The following NRG3 variants were observed in gnomAD, a reference collection of about 807,000 sequenced individuals.
The protein encoded by NRG3 is neuregulin 3.
A neutral mutation model predicts 66.9 loss-of-function variants in NRG3; 31 were observed. The observed-to-expected ratio is 0.46, with a 90% CI of 0.35 to 0.63. The LOEUF (loss-of-function observed/expected upper bound fraction) is 0.63, where lower values mean the gene tolerates loss of function less well. Among genes scored for constraint, NRG3 ranks in the 20% least tolerant of loss-of-function variants. The pLI is 0.00. For missense variants in NRG3, 910 were observed against 878.9 expected, an observed-to-expected ratio of 1.04 and a Z score of -0.45; for synonymous variants, 393 against 359.4, an observed-to-expected ratio of 1.09 and a Z score of -1.06.
At chr10:81,888,533 G>A (rs994529824) in intron 1 of NRG3, among the ~76,000 whole-genome samples, 3 of 152,124 alleles carry the variant, frequency 2.0e-5, no homozygotes, top group Non-Finnish European at 2.9e-5. Context: ...AAGCATATGA[G>A]GCCATTTCAG....
chr10:82,374,452 A>G (rs1220904482), intron 2 of NRG3, among the ~76,000 whole-genome samples: 1 of 152,212 alleles, frequency 6.6e-6, no homozygotes, highest in Non-Finnish European at 1.5e-5. Flanking sequence ...TTATAAATAT[A>G]GATTCTCAAG....
At chr10:81,926,617 C>T (rs11191823) in intron 1 of NRG3, among the ~76,000 whole-genome samples, 1 of 152,218 alleles carries the variant, frequency 6.6e-6, no homozygotes, top group South Asian at 2.1e-4. Flanking sequence ...TCACTTTGTT[C>T]TGAGTTTACT....
At chr10:82,529,864 T>C (rs1184454443) in intron 2 of NRG3, among the ~76,000 whole-genome samples, 1 of 152,206 alleles carries the variant, frequency 6.6e-6, no homozygotes. Context: ...ACTCATTTTC[T>C]ATTGCAAGTA....
At chr10:82,276,031 C>G (rs2078831987) in intron 1 of NRG3, among the ~76,000 whole-genome samples, 1 of 151,956 alleles carries the variant, frequency 6.6e-6, no homozygotes, top group Admixed American at 6.6e-5. Flanking sequence ...CATACTCATA[C>G]ATACTGTGCA....
At position 82,055,763 on chromosome 10, in the gene NRG3, G is replaced by A. The variant is rs1206954712; in HGVS notation, c.823+179600G>A. ...ATTTACAATGCAAGAAAGAGAAGGGGAGTTAATATGCAACAATCTTATGTC... is the reference window on the plus strand; with the variant it reads ...ATTTACAATGCAAGAAAGAGAAGGGAAGTTAATATGCAACAATCTTATGTC... On this transcript the variant is annotated intron_variant, in intron 1 of 8. Transcript: ENST00000372141. Among the ~76,000 whole-genome samples, 7 of 152,114 alleles carry A rather than the reference G, an allele frequency of 4.6e-5. No homozygotes were observed. The South Asian group carries it at 1.0e-3, about 23-fold the overall frequency.
chr10:82,974,607 A>G (rs1186601517), intron 7 of NRG3, among the ~76,000 whole-genome samples: 2 of 152,250 alleles, frequency 1.3e-5, no homozygotes, highest in East Asian at 3.8e-4. Context: ...GTGTTCAGAT[A>G]TACATCCTCA....
At position 82,919,921 on chromosome 10, in the gene NRG3, GA is replaced by G. The variant is rs373966910; in HGVS notation, c.1055-31538del. Among the ~76,000 whole-genome samples the G allele has an allele frequency of 1.0e-3, 152 of 145,704 alleles. 1 individual carries two copies. The South Asian group carries it at 0.017, about 16-fold the overall frequency. On this transcript the variant is annotated intron_variant, in intron 4 of 8. Coordinates refer to ENST00000372141, the MANE Select transcript of NRG3 (RefSeq NM_001010848.4). ...ATTACTGTCTTATGATAGTGAGAATGAAAAAAAAAAGCACAGATAGGAACTA... is the reference window on the plus strand; with the variant it reads ...ATTACTGTCTTATGATAGTGAGAATGAAAAAAAAAGCACAGATAGGAACTA...
intron 2 of NRG3, among the ~76,000 whole-genome samples, chr10:82,522,031 G>T (rs983259402): frequency 1.1e-4 from 16 of 144,724 alleles, no homozygotes; most frequent in African/African-American, 3.5e-4. Context: ...TTACTTTTCC[G>T]CTGAAGTCTT....
chr10:82,009,059 A>G (rs2061479538), intron 1 of NRG3, among the ~76,000 whole-genome samples: 2 of 152,140 alleles, frequency 1.3e-5, no homozygotes, highest in Non-Finnish European at 2.9e-5. Flanking sequence ...AAGATGTACT[A>G]CAACTCCCAG....
chr10:82,099,110 G>A (rs981500874), intron 1 of NRG3, among the ~76,000 whole-genome samples: 2 of 152,194 alleles, frequency 1.3e-5, no homozygotes, highest in African/African-American at 4.8e-5. Context: ...TATAAATTAT[G>A]ATTTCTTTTT....
intron 1 of NRG3, among the ~76,000 whole-genome samples, chr10:82,128,509 A>C (rs2068602347): frequency 6.6e-6 from 1 of 152,048 alleles, no homozygotes; most frequent in South Asian, 2.1e-4. Context: ...AGGTTAGATT[A>C]TGATAAGGAA....
chr10:81,964,172 C>T (rs2059637970), intron 1 of NRG3, among the ~76,000 whole-genome samples: 2 of 152,108 alleles, frequency 1.3e-5, no homozygotes, highest in Admixed American at 6.5e-5. Flanking sequence ...GATATGTGAA[C>T]ATGTATAATT....
intron 1 of NRG3, among the ~76,000 whole-genome samples, chr10:81,964,917 A>AT (rs2059674903): frequency 6.6e-6 from 1 of 152,192 alleles, no homozygotes; most frequent in African/African-American, 2.4e-5. Flanking sequence ...TATGGATACC[A>AT]TAGAAGTGTA....
chr10:82,861,465 T>C (rs980207003), intron 3 of NRG3, among the ~76,000 whole-genome samples: 2 of 152,220 alleles, frequency 1.3e-5, no homozygotes, highest in Non-Finnish European at 2.9e-5. Context: ...ATTTCCAAAT[T>C]TTGATTTCTG....
At chr10:82,518,013 CCAGTGGT>C (rs1565017155) in intron 2 of NRG3, among the ~76,000 whole-genome samples, 1 of 152,024 alleles carries the variant, frequency 6.6e-6, no homozygotes. Flanking sequence ...AACACATTGG[CCAGTGGT>C]CCAAAGTGGA....
intron 2 of NRG3, among the ~76,000 whole-genome samples, chr10:82,682,616 T>C (rs1036360969): frequency 1.3e-5 from 2 of 152,162 alleles, no homozygotes; most frequent in East Asian, 3.9e-4. Context: ...AATAGTTGAT[T>C]CATTATTTTT....
Position 82,379,241 on chromosome 10 carries a change from C to T in NRG3, c.953+20373C>T, listed in dbSNP as rs188388641. 1.1e-3 allele frequency among the ~76,000 whole-genome samples: 174 copies of T among 152,186 alleles called. 1 individual carries two copies. Among genetic ancestry groups the T allele is most frequent in the African/African-American group, 3.8e-3 (159 of 41,534 alleles). On this transcript the variant is annotated intron_variant, in intron 2 of 8. Coordinates refer to ENST00000372141, the MANE Select transcript of NRG3 (RefSeq NM_001010848.4). ...GCTCATCCCATTTCCACTCTAACACCGTAGGAGGACTGCAAGTCTAACGAA... is the reference window on the plus strand; with the variant it reads ...GCTCATCCCATTTCCACTCTAACACTGTAGGAGGACTGCAAGTCTAACGAA...
At chr10:82,166,779 A>T (rs2072094685) in intron 1 of NRG3, 2 of 685,448 alleles carry the variant, frequency 2.9e-6, no homozygotes. Flanking sequence ...ACTTGCTTTA[A>T]CATTTCAAGT....
intron 2 of NRG3, among the ~76,000 whole-genome samples, chr10:82,669,666 C>T (rs1052715936): frequency 6.6e-6 from 1 of 152,172 alleles, no homozygotes; most frequent in Non-Finnish European, 1.5e-5. Context: ...CGGTGGCTCT[C>T]GCCTGTAATC....
Sources: gnomAD v4.1 joint callset for allele counts (sites outside exome capture counted in the v4.1 genomes callset) on GRCh38, gnomAD v4.1.1 for gene constraint, MANE v1.5 for transcripts, NCBI Gene and HGNC (gene_info 2026-07-23, HGNC 2026-07-21) for gene names.